The following DDX52 variants were observed in gnomAD, a reference collection of about 807,000 sequenced individuals.
DDX52 encodes the protein DExD-box helicase 52, also known as probable ATP-dependent RNA helicase DDX52.
A neutral mutation model predicts 76.1 loss-of-function variants in DDX52; 59 were observed. That is an observed-to-expected ratio of 0.78 (90% confidence interval 0.63 to 0.96). The LOEUF (loss-of-function observed/expected upper bound fraction) is 0.96, where lower values mean the gene tolerates loss of function less well. DDX52 is among the 40% of genes least tolerant of loss of function. The pLI, the probability that DDX52 is intolerant of heterozygous loss-of-function variation, is 0.00. For missense variants in DDX52, 707 were observed against 703.9 expected, an observed-to-expected ratio of 1.00 and a Z score of -0.05; for synonymous variants, 231 against 244.1, an observed-to-expected ratio of 0.95 and a Z score of 0.50.
intron 2 of DDX52, among the ~76,000 whole-genome samples, chr17:37,641,598 G>A (rs775012900): frequency 1.3e-5 from 2 of 151,754 alleles, no homozygotes; most frequent in Non-Finnish European, 2.9e-5. Flanking sequence ...TTAGCTAGGC[G>A]TGGTGACACG....
At position 37,610,862 on chromosome 17, in the gene DDX52, T is replaced by C. The variant is rs1406603820; in HGVS notation, c.*3434A>G. The stretch of plus-strand genomic sequence containing the variant: ...GTAACTGCCTGTTCACTAATTTCAC[T>C]CCTTCCCTTCCTTGTGTGAAGCTGA... On this transcript the variant is annotated 3_prime_UTR_variant, in exon 15 of 15. Transcript: ENST00000617633. The C allele has an allele frequency of 6.6e-6, 1 of 152,230 alleles. No homozygotes were observed. Among genetic ancestry groups the C allele is most frequent in the Non-Finnish European group, 1.5e-5 (1 of 68,040 alleles). 9.4% of individuals were successfully genotyped at this position (152,230 alleles called of 1,614,324 possible).
chr17:37,642,082 A>G lies in DDX52; in HGVS notation c.286+28T>C, dbSNP rs2031226562. 3 of 1,608,676 alleles carry G rather than the reference A, an allele frequency of 1.9e-6. No individual in the cohort carries two copies. The East Asian group carries it at 6.7e-5, about 36-fold the overall frequency. On this transcript the variant is annotated intron_variant, in intron 2 of 14. Coordinates refer to ENST00000617633, the MANE Select transcript of DDX52 (RefSeq NM_007010.5). ...TTATAACTGAAAAAAATTAAAGAGAAAAAACATGACAGAAATCAAACACTA... is the reference window on the plus strand; with the variant it reads ...TTATAACTGAAAAAAATTAAAGAGAGAAAACATGACAGAAATCAAACACTA...
rs1213576757 is a variant in DDX52 at position 37,610,493 on chromosome 17, T to C, written c.*3803A>G. On this transcript the variant is annotated 3_prime_UTR_variant, in exon 15 of 15. Transcript: ENST00000617633. The stretch of plus-strand genomic sequence containing the variant: ...AAAACATGAAAGTTGAGTAATTTTC[T>C]CAAGCACGTAGTTTGCTTGCTAACA... 1 of 152,086 alleles carries C rather than the reference T, an allele frequency of 6.6e-6. No homozygotes were observed. Among genetic ancestry groups the C allele is most frequent in the Admixed American group, 6.6e-5 (1 of 15,260 alleles). The allele number at this position is 152,086 out of a possible 1,614,324, so 9.4% of individuals were successfully genotyped here. A position where few individuals can be genotyped will look rare whatever the true frequency, so the allele number is the denominator to read the frequency against.
chr17:37,631,555 A>G (rs2030682913), intron 4 of DDX52: 1 of 154,790 alleles, frequency 6.5e-6, no homozygotes, highest in Admixed American at 6.3e-5. Context: ...GTGGTTACAC[A>G]GGGCATGCAT....
chr17:37,622,643 A>G (rs2030164103), intron 9 of DDX52, among the ~76,000 whole-genome samples: 1 of 152,170 alleles, frequency 6.6e-6, no homozygotes, highest in South Asian at 2.1e-4. Flanking sequence ...TTGGAATCTA[A>G]TGAAAGCTAA....
At chr17:37,627,353 G>T (rs1165878104) in intron 6 of DDX52, among the ~76,000 whole-genome samples, 1 of 152,142 alleles carries the variant, frequency 6.6e-6, no homozygotes, top group Non-Finnish European at 1.5e-5. Flanking sequence ...GGGACTACAG[G>T]CGCCCGCCAC....
Position 37,611,415 on chromosome 17 carries a change from TATAAAGAA to T in DDX52, c.*2873_*2880del, listed in dbSNP as rs1196632186. The T allele has an allele frequency of 3.9e-5, 6 of 152,102 alleles. No homozygotes were observed. The highest frequency in any genetic ancestry group is 7.2e-5 in the African/African-American group (3 of 41,430). 9.4% of individuals were successfully genotyped at this position (152,102 alleles called of 1,614,324 possible). A position where few individuals can be genotyped will look rare whatever the true frequency, so the allele number is the denominator to read the frequency against. On this transcript the variant is annotated 3_prime_UTR_variant, in exon 15 of 15. Transcript: ENST00000617633. ...AGAAAAAAAGCTTCTAGAATAAGGA[TATAAAGAA>T]ATAAAGTATTTTTCTACAGCTGTAC...
rs1352479918 is a variant in DDX52 at position 37,628,677 on chromosome 17, A to G, written c.748-5T>C. ...TTTTATTAACTCTCTGTGAATCTAA[A>G]AAAAAAAAGATTAAAAACATTAGCT... On this transcript the variant is annotated splice_polypyrimidine_tract_variant and splice_region_variant and intron_variant, in intron 5 of 14. Coordinates refer to ENST00000617633, the MANE Select transcript of DDX52 (RefSeq NM_007010.5). 14 of 1,569,952 alleles carry G rather than the reference A, an allele frequency of 8.9e-6. No homozygotes were observed. The highest frequency in any genetic ancestry group is 1.4e-5 in the African/African-American group (1 of 72,870).
In DDX52 at chr17:37,610,474, T is replaced by C. The variant is rs764980911; in HGVS notation, c.*3822A>G. 2 of 151,842 alleles carry C rather than the reference T, an allele frequency of 1.3e-5. No homozygotes were observed. Among genetic ancestry groups the C allele is most frequent in the Non-Finnish European group, 2.9e-5 (2 of 67,976 alleles). 9.4% of individuals were successfully genotyped at this position (151,842 alleles called of 1,614,324 possible). On this transcript the variant is annotated 3_prime_UTR_variant, in exon 15 of 15. Coordinates refer to ENST00000617633, the MANE Select transcript of DDX52 (RefSeq NM_007010.5). ...CAAACTACTGTCTGGAAGTAAAACA[T>C]GAAAGTTGAGTAATTTTCTCAAGCA...
intron 5 of DDX52, 122 bp from the exon 6 acceptor site, chr17:37,628,794 A>T (rs1398674905): frequency 1.4e-6 from 1 of 697,454 alleles, no homozygotes; most frequent in African/African-American, 1.8e-5. Flanking sequence ...TAAACTCATA[A>T]CAATCTGTAG....
Position 37,612,699 on chromosome 17 carries a change from A to G in DDX52, c.*1597T>C, listed in dbSNP as rs2064381974. 6.6e-6 allele frequency: 1 copy of G among 152,230 alleles called. No homozygotes were observed. Among genetic ancestry groups the G allele is most frequent in the Non-Finnish European group, 1.5e-5 (1 of 68,040 alleles). The allele number at this position is 152,230 out of a possible 1,614,324, so 9.4% of individuals were successfully genotyped here. A position where few individuals can be genotyped will look rare whatever the true frequency, so the allele number is the denominator to read the frequency against. On this transcript the variant is annotated 3_prime_UTR_variant, in exon 15 of 15. Coordinates refer to ENST00000617633, the MANE Select transcript of DDX52 (RefSeq NM_007010.5). ...ACATTGTAAGGGTAAGGACTGTGTT[A>G]TCAAGCCTGTATTCCTAACAAAATC...
chr17:37,643,390 C>A lies in DDX52; in HGVS notation c.31G>T (p.Gly11Cys). The A allele has an allele frequency of 6.2e-7, 1 of 1,613,992 alleles. No homozygotes were observed. The highest frequency in any genetic ancestry group is 8.5e-7 in the Non-Finnish European group (1 of 1,179,912). ...CTCGTGTCGAATTTGGCCCCCGCGC[C>A]GAGCCGGCGAAAGAGATCGTGGACG... MDVHDLFRRL[G>C]AGAKFDTRRF... The change falls in exon 1 of 15, where the codon GGC (glycine) becomes TGC (cysteine). Residue 11 changes from glycine to cysteine, a missense_variant. Transcript: ENST00000617633.
rs1297171456 is a variant in DDX52 at position 37,626,038 on chromosome 17, G to A, written c.993C>T (p.Phe331=). The A allele has an allele frequency of 1.9e-6, 3 of 1,614,112 alleles. No individual in the cohort carries two copies. The highest frequency in any genetic ancestry group is 1.7e-5 in the Admixed American group (1 of 60,028). The change falls in exon 8 of 15, where the codon TTC becomes TTT. Residue 331 remains phenylalanine, a synonymous_variant. Coordinates refer to ENST00000617633, the MANE Select transcript of DDX52 (RefSeq NM_007010.5). ...DKLFEDGKTG[F]RDQLASIFLA... is the part of the protein sequence containing the mutation. ...GGAAAATGGAAGCCAGCTGGTCTCT[G>A]AACCCAGTTTTGCCATCTTCAAACA...
At chr17:37,618,141 A>G (rs2029892167) in intron 14 of DDX52, 151 bp downstream of exon 14, 1 of 611,690 alleles carries the variant, frequency 1.6e-6, no homozygotes, top group Non-Finnish European at 2.7e-6. Context: ...AAATTTCCCA[A>G]TTATAGGCAA....
At chr17:37,625,322 G>C (rs1488279460) in intron 8 of DDX52, among the ~76,000 whole-genome samples, 1 of 151,990 alleles carries the variant, frequency 6.6e-6, no homozygotes, top group Non-Finnish European at 1.5e-5. Context: ...AGGAATTTTA[G>C]GTTTAAAATA....
rs566694252 is a variant in DDX52 at position 37,626,436 on chromosome 17, C to G, written c.933-338G>C. On this transcript the variant is annotated intron_variant, in intron 7 of 14. Transcript: ENST00000617633. ...CCCTTCTGCCATGACCGTAAGTTTC[C>G]TAAGGCCTCCCCAGTCATGCCCTGA... Among the ~76,000 whole-genome samples, 13 of 152,264 alleles carry G rather than the reference C, an allele frequency of 8.5e-5. No homozygotes were observed. The South Asian group carries it at 1.7e-3, about 19-fold the overall frequency.
At chr17:37,623,317 C>T (rs1007861666) in intron 9 of DDX52, among the ~76,000 whole-genome samples, 28 of 152,068 alleles carry the variant, frequency 1.8e-4, no homozygotes, top group African/African-American at 6.5e-4. Flanking sequence ...CCCAGGTACT[C>T]GGGAGACTGA....
rs368820081 is a variant in DDX52 at position 37,626,880 on chromosome 17, T to C, written c.860-20A>G. On this transcript the variant is annotated intron_variant, in intron 6 of 14. Transcript: ENST00000617633. Reference sequence around the variant, plus strand: ...GAATATCTATAGGAAAAACAAATGGTAGAAATTGCAAAAACAGGATTTATC... The same window carrying C: ...GAATATCTATAGGAAAAACAAATGGCAGAAATTGCAAAAACAGGATTTATC... The C allele has an allele frequency of 7.5e-6, 12 of 1,595,606 alleles. No homozygotes were observed. Among genetic ancestry groups the C allele is most frequent in the African/African-American group, 5.4e-5 (4 of 73,650 alleles).
In DDX52 at chr17:37,611,820, T is replaced by C. The variant is rs1568594181; in HGVS notation, c.*2476A>G. 2 of 146,172 alleles carry C rather than the reference T, an allele frequency of 1.4e-5. No homozygotes were observed. Among genetic ancestry groups the C allele is most frequent in the African/African-American group, 5.1e-5 (2 of 39,442 alleles). 9.1% of individuals were successfully genotyped at this position (146,172 alleles called of 1,614,324 possible). On this transcript the variant is annotated 3_prime_UTR_variant, in exon 15 of 15. Transcript: ENST00000617633. ...CTACAAAATTTAAAAATTAGCTGAG[T>C]GTTGGTGGCCCGCACCTATAGTACC...
Sources: gnomAD v4.1 joint callset for allele counts (sites outside exome capture counted in the v4.1 genomes callset) on GRCh38, gnomAD v4.1.1 for gene constraint, MANE v1.5 for transcripts, NCBI Gene and HGNC (gene_info 2026-07-23, HGNC 2026-07-21) for gene names.